KIAA1328: variants seen among roughly 807,000 people sequenced by gnomAD.
The protein encoded by KIAA1328 is protein hinderin.
Under a neutral mutation model 68.1 loss-of-function variants are expected in KIAA1328, and 52 were observed. The observed-to-expected ratio is 0.76, with a 90% CI of 0.61 to 0.96. The LOEUF (loss-of-function observed/expected upper bound fraction) is 0.96, where lower values mean the gene tolerates loss of function less well. KIAA1328 is among the 40% of genes least tolerant of loss of function. The pLI, the probability that KIAA1328 is intolerant of heterozygous loss-of-function variation, is 0.00. For synonymous variants in KIAA1328, 232 were observed against 239.4 expected (o/e 0.97, Z 0.28); for missense variants, 641 against 677.6 (o/e 0.95, Z 0.60).
chr18:37,126,000 T>C (rs2058380672), intron 7 of KIAA1328, among the ~76,000 whole-genome samples: 1 of 152,232 alleles, frequency 6.6e-6, no homozygotes, highest in Non-Finnish European at 1.5e-5. Context: ...AAATGATTGC[T>C]TATCAGTAGC....
downstream of KIAA1328, among the ~76,000 whole-genome samples, chr18:37,229,090 G>A (rs1482843239): frequency 6.6e-6 from 1 of 152,168 alleles, no homozygotes. Context: ...TCTGAGGTAT[G>A]CCTGTATGTC....
chr18:37,083,545 GT>G (rs2151807284), intron 7 of KIAA1328, among the ~76,000 whole-genome samples: 1 of 152,316 alleles, frequency 6.6e-6, no homozygotes, highest in South Asian at 2.1e-4. Context: ...TTTTGGCTGA[GT>G]TTTTCCATGG....
intron 5 of KIAA1328, among the ~76,000 whole-genome samples, chr18:36,897,733 A>G (rs1040657719): frequency 6.6e-6 from 1 of 152,082 alleles, no homozygotes; most frequent in African/African-American, 2.4e-5. Context: ...AGCAGTATAG[A>G]GGAAAATGGG....
intron 4 of KIAA1328, among the ~76,000 whole-genome samples, chr18:36,848,417 C>T (rs1229524240): frequency 1.3e-5 from 2 of 150,986 alleles, no homozygotes; most frequent in Non-Finnish European, 1.5e-5. Flanking sequence ...GCTTGGTATC[C>T]TTCAACCTTT....
intron 4 of KIAA1328, among the ~76,000 whole-genome samples, chr18:36,861,430 C>G (rs2047562200): frequency 6.6e-6 from 1 of 152,100 alleles, no homozygotes; most frequent in South Asian, 2.1e-4. Flanking sequence ...TCCATTGAGA[C>G]TATTCAAATA....
chr18:37,040,768 G>T (rs1459683239), intron 6 of KIAA1328, among the ~76,000 whole-genome samples: 1 of 151,036 alleles, frequency 6.6e-6, no homozygotes, highest in Non-Finnish European at 1.5e-5. Context: ...TTTTTACTCA[G>T]TGAAAATATT....
chr18:36,879,644 C>A (rs1412491073), intron 4 of KIAA1328, among the ~76,000 whole-genome samples: 2 of 152,214 alleles, frequency 1.3e-5, no homozygotes, highest in African/African-American at 4.8e-5. Context: ...CCCCTTCCCC[C>A]AGGTGTTCTG....
intron 9 of KIAA1328, among the ~76,000 whole-genome samples, chr18:37,209,490 A>G (rs1174295266): frequency 1.3e-5 from 2 of 152,002 alleles, no homozygotes; most frequent in African/African-American, 2.4e-5. Context: ...GTGTGTATTG[A>G]GTGATACAAA....
chr18:36,911,556 T>A (rs1413025389), intron 5 of KIAA1328, among the ~76,000 whole-genome samples: 1 of 152,164 alleles, frequency 6.6e-6, no homozygotes, highest in Non-Finnish European at 1.5e-5. Flanking sequence ...CCTGCTTTTT[T>A]AAACTACTTT....
At chr18:36,987,135 C>T (rs1200092366) in intron 6 of KIAA1328, among the ~76,000 whole-genome samples, 4 of 39,766 alleles carry the variant, frequency 1.0e-4, no homozygotes, top group African/African-American at 3.1e-4. Flanking sequence ...CACATATACA[C>T]CATGGAATAC....
chr18:37,186,417 A>T (rs1248991844), intron 9 of KIAA1328, among the ~76,000 whole-genome samples: 1 of 151,768 alleles, frequency 6.6e-6, no homozygotes, highest in Non-Finnish European at 1.5e-5. Context: ...AATTTAAAAA[A>T]TTAGCCAGGC....
intron 8 of KIAA1328, among the ~76,000 whole-genome samples, chr18:37,163,578 T>C (rs577854556): frequency 1.3e-5 from 2 of 152,280 alleles, no homozygotes; most frequent in South Asian, 4.1e-4. Context: ...TGGAAGATGA[T>C]TATTCTAGAC....
intron 5 of KIAA1328, among the ~76,000 whole-genome samples, chr18:36,950,598 T>C (rs930835510): frequency 4.6e-5 from 7 of 152,238 alleles, no homozygotes; most frequent in Middle Eastern, 3.4e-3. Flanking sequence ...AGAGGTGACA[T>C]AAAAATTAAG....
At chr18:37,096,917 G>C (rs968516598) in intron 7 of KIAA1328, among the ~76,000 whole-genome samples, 1 of 151,976 alleles carries the variant, frequency 6.6e-6, no homozygotes, top group Non-Finnish European at 1.5e-5. Context: ...TTTTTGTTGG[G>C]GCCGTTTGTT....
At chr18:37,146,281 C>T (rs994991973) in intron 7 of KIAA1328, among the ~76,000 whole-genome samples, 1 of 152,062 alleles carries the variant, frequency 6.6e-6, no homozygotes, top group Non-Finnish European at 1.5e-5. Context: ...CTATTGTTCC[C>T]CTCTTTGTGT....
intron 4 of KIAA1328, among the ~76,000 whole-genome samples, chr18:36,871,491 T>G (rs986288414): frequency 6.6e-6 from 1 of 152,166 alleles, no homozygotes; most frequent in Non-Finnish European, 1.5e-5. Flanking sequence ...ATTAATATAG[T>G]TCTATTGATT....
intron 5 of KIAA1328, among the ~76,000 whole-genome samples, chr18:36,947,445 A>G (rs2050948251): frequency 6.6e-6 from 1 of 152,186 alleles, no homozygotes; most frequent in African/African-American, 2.4e-5. Context: ...TCAGTCTGGA[A>G]AGGTGGGACA....
chr18:37,040,253 G>C (rs1038567661), intron 6 of KIAA1328, among the ~76,000 whole-genome samples: 6 of 152,152 alleles, frequency 3.9e-5, no homozygotes, highest in African/African-American at 1.2e-4. Flanking sequence ...TTAAAATTTT[G>C]ACTATTTGAC....
intron 6 of KIAA1328, among the ~76,000 whole-genome samples, chr18:37,031,078 A>G (rs941413915): frequency 6.6e-6 from 1 of 152,086 alleles, no homozygotes; most frequent in Non-Finnish European, 1.5e-5. Flanking sequence ...AATCCAGTCT[A>G]TCATTGATGG....
Sources: allele counts gnomAD v4.1 joint callset (sites outside exome capture counted in the v4.1 genomes callset), GRCh38; gene constraint gnomAD v4.1.1; transcripts MANE v1.5; gene names NCBI Gene and HGNC (gene_info 2026-07-23, HGNC 2026-07-21).